Variants in PAX7 observed in about 807,000 individuals in gnomAD.
PAX7 encodes paired box protein Pax-7.
Under a neutral mutation model 50.7 loss-of-function variants are expected in PAX7, and 18 were observed. That is an observed-to-expected ratio of 0.36 (90% CI 0.25 to 0.53). The LOEUF (loss-of-function observed/expected upper bound fraction) is 0.53. Among genes scored for constraint, PAX7 ranks in the 20% least tolerant of loss-of-function variants. The pLI, the probability that PAX7 is intolerant of heterozygous loss-of-function variation, is 0.93. For synonymous variants in PAX7, 310 were observed against 290.4 expected (o/e 1.07, Z -0.69); for missense variants, 644 against 702.9 (o/e 0.92, Z 0.95).
chr1:18,694,755 A>G (rs749738171), intron 5 of PAX7, among the ~76,000 whole-genome samples: 8 of 152,156 alleles, frequency 5.3e-5, no homozygotes, highest in African/African-American at 1.7e-4. Flanking sequence ...TCTGCAAATA[A>G]GGGGATGGAA....
rs2089697909 is a variant in PAX7 at position 18,735,459 on chromosome 1, C to T, written c.1156-173C>T. Among the ~76,000 whole-genome samples the T allele has an allele frequency of 6.6e-6, 1 of 152,220 alleles. No individual in the cohort carries two copies. The highest frequency in any genetic ancestry group is 6.5e-5 in the Admixed American group (1 of 15,288). Reference sequence around the variant, plus strand: ...AGAAACACCGAAGACCAGCAGCCATCCCATGCATGAGGGCACGCAAATCAG... The same window carrying T: ...AGAAACACCGAAGACCAGCAGCCATTCCATGCATGAGGGCACGCAAATCAG... On this transcript the variant is annotated intron_variant, in intron 7 of 8. Transcript: ENST00000420770. This position sits in a 1 kb window ranked among gnomAD's most constrained non-coding sequence, Gnocchi z 4.0.
Position 18,632,192 on chromosome 1 carries a change from GCCA to G in PAX7, c.85+506_85+508del, listed in dbSNP as rs1384532845. ...ACCACGGCTATCCATTTCTTCCGAA[GCCA>G]CAGTCAAACACTCCTGCTTTTCCGC... On this transcript the variant is annotated intron_variant, in intron 1 of 8. Coordinates refer to ENST00000420770, the MANE Select transcript of PAX7 (RefSeq NM_001135254.2). The surrounding 1 kb of genome is among the most constrained non-coding windows in gnomAD (Gnocchi z 6.3). Among the ~76,000 whole-genome samples, 3 of 152,148 alleles carry G rather than the reference GCCA, an allele frequency of 2.0e-5. No homozygotes were observed. Among genetic ancestry groups the G allele is most frequent in the African/African-American group, 7.2e-5 (3 of 41,414 alleles).
intron 7 of PAX7, among the ~76,000 whole-genome samples, chr1:18,724,207 C>T (rs1201734646): frequency 6.6e-6 from 1 of 151,836 alleles, no homozygotes; most frequent in Non-Finnish European, 1.5e-5. Flanking sequence ...CTGGGCCCCA[C>T]TCCACCAGTC....
At chr1:18,742,148 CTTTTTTTTTT>C (rs61248648) in intron 8 of PAX7, among the ~76,000 whole-genome samples, 5 of 103,574 alleles carry the variant, frequency 4.8e-5, no homozygotes, top group African/African-American at 1.6e-4. Context: ...AATGAGGCTT[CTTTTTTTTTT>C]TTTTTTTTTT....
chr1:18,714,589 G>A (rs2089395207), intron 7 of PAX7, among the ~76,000 whole-genome samples: 1 of 152,178 alleles, frequency 6.6e-6, no homozygotes, highest in Non-Finnish European at 1.5e-5. Context: ...ACCACCATGT[G>A]ATCTTGATAG....
At chr1:18,736,464 CAAA>C (rs35410898) in intron 8 of PAX7, among the ~76,000 whole-genome samples, 3 of 117,658 alleles carry the variant, frequency 2.5e-5, no homozygotes, top group Non-Finnish European at 1.7e-5. Context: ...GACTCTGTCT[CAAA>C]AAAAAAAAAA....
chr1:18,744,445 T>TAGA (rs1931312082), intron 8 of PAX7, among the ~76,000 whole-genome samples: 1 of 148,688 alleles, frequency 6.7e-6, no homozygotes, highest in African/African-American at 2.5e-5. Context: ...GATGGATGGA[T>TAGA]GGATGGATGG....
intron 8 of PAX7, among the ~76,000 whole-genome samples, chr1:18,743,548 T>C (rs1405677466): frequency 2.0e-5 from 3 of 152,248 alleles, no homozygotes; most frequent in Non-Finnish European, 2.9e-5. Flanking sequence ...TCTTTCCATC[T>C]TCCTCTTGCT....
At chr1:18,655,593 C>A (rs1002542890) in intron 4 of PAX7, among the ~76,000 whole-genome samples, 4 of 152,302 alleles carry the variant, frequency 2.6e-5, no homozygotes, top group South Asian at 2.1e-4. Context: ...CTGCAGTCGG[C>A]GGGAGGGTTT....
At chr1:18,710,879 G>A (rs749640073) in intron 7 of PAX7, among the ~76,000 whole-genome samples, 9 of 152,164 alleles carry the variant, frequency 5.9e-5, no homozygotes, top group Non-Finnish European at 1.2e-4. Flanking sequence ...CCCTTCTCTC[G>A]CACATTTTCC....
intron 4 of PAX7, among the ~76,000 whole-genome samples, chr1:18,658,301 G>T (rs1391210292): frequency 1.3e-5 from 2 of 151,396 alleles, no homozygotes; most frequent in Non-Finnish European, 2.9e-5. Flanking sequence ...GCCCATCCTG[G>T]CTGTGTCTTC....
At chr1:18,720,942 G>A (rs933774872) in intron 7 of PAX7, among the ~76,000 whole-genome samples, 1 of 152,054 alleles carries the variant, frequency 6.6e-6, no homozygotes, top group Non-Finnish European at 1.5e-5. Context: ...AGGGCTCGGA[G>A]GAGAGGGACA....
At chr1:18,711,112 T>G (rs1262850663) in intron 7 of PAX7, among the ~76,000 whole-genome samples, 1 of 152,052 alleles carries the variant, frequency 6.6e-6, no homozygotes, top group African/African-American at 2.4e-5. Flanking sequence ...GCCCCATGGG[T>G]AGAAGGAAGC....
intron 4 of PAX7, 143 bp from the exon 5 acceptor site, chr1:18,691,611 T>C: frequency 1.5e-6 from 1 of 674,018 alleles, no homozygotes; most frequent in Non-Finnish European, 2.6e-6. Flanking sequence ...CATCCTTCTA[T>C]CTTGTGCTTG....
chr1:18,670,090 A>G (rs1395040436), intron 4 of PAX7, among the ~76,000 whole-genome samples: 3 of 151,308 alleles, frequency 2.0e-5, no homozygotes, highest in African/African-American at 4.9e-5. Context: ...CTCAAAAAAA[A>G]AAAAAAAAAA....
rs1267288786 is a variant in PAX7, at chr1:18,700,931, G to A, written c.952+113G>A. On this transcript the variant is annotated intron_variant, in intron 6 of 8. Transcript: ENST00000420770. The surrounding 1 kb of genome is among the most constrained non-coding windows in gnomAD (Gnocchi z 4.8). ...ATGACCATTTCTTACTTTCATGTAA[G>A]CAGGCTATTGAGAGCAAAAAGATGC... 2.8e-6 allele frequency: 3 copies of A among 1,081,404 alleles called. No homozygotes were observed. Among genetic ancestry groups the A allele is most frequent in the African/African-American group, 1.7e-5 (1 of 60,004 alleles). The allele number at this position is 1,081,404 out of a possible 1,614,324, so 67.0% of individuals were successfully genotyped here. A position where few individuals can be genotyped will look rare whatever the true frequency, so the allele number is the denominator to read the frequency against.
chr1:18,710,295 A>C (rs578147903), intron 7 of PAX7, among the ~76,000 whole-genome samples: 2 of 152,290 alleles, frequency 1.3e-5, no homozygotes, highest in South Asian at 4.1e-4. Context: ...GACTCTCAGC[A>C]AGACACGACC....
intron 7 of PAX7, among the ~76,000 whole-genome samples, chr1:18,721,634 C>T (rs989932868): frequency 2.0e-5 from 3 of 152,256 alleles, no homozygotes; most frequent in African/African-American, 7.2e-5. Context: ...AGCAGAGAGG[C>T]TGCTGGGGGC....
intron 4 of PAX7, among the ~76,000 whole-genome samples, chr1:18,653,735 G>C (rs564326934): frequency 6.6e-6 from 1 of 151,930 alleles, no homozygotes; most frequent in Non-Finnish European, 1.5e-5. Flanking sequence ...CCAAGACTTA[G>C]AGAGGCCAAG....
Sources: gnomAD v4.1 joint callset for allele counts (sites outside exome capture counted in the v4.1 genomes callset) on GRCh38, gnomAD v4.1.1 for gene constraint, Gnocchi (gnomAD v3.1) non-coding constraint, MANE v1.5 for transcripts, NCBI Gene and HGNC (gene_info 2026-07-23, HGNC 2026-07-21) for gene names.